The following RAB5A variants were observed in gnomAD, a reference collection of about 807,000 sequenced individuals.
RAB5A encodes ras-related protein Rab-5A.
In RAB5A, 8 loss-of-function variants were observed where a neutral mutation model predicts 25.7. The ratio of observed to expected loss-of-function variants is 0.31; its 90% CI spans 0.18 to 0.56. The LOEUF (loss-of-function observed/expected upper bound fraction) is 0.56. Ranked by LOEUF, RAB5A falls within the 20% of genes least tolerant of loss-of-function variation. The pLI, the probability that RAB5A is intolerant of heterozygous loss-of-function variation, is 0.91. For synonymous variants in RAB5A, 98 were observed against 89.8 expected (o/e 1.09, Z -0.52); for missense variants, 192 against 259.7 (o/e 0.74, Z 1.79).
At chr3:19,976,584 C>T (rs576417691) in intron 4 of RAB5A, among the ~76,000 whole-genome samples, 1 of 152,280 alleles carries the variant, frequency 6.6e-6, no homozygotes, top group South Asian at 2.1e-4. Context: ...ACTTGGGAGG[C>T]TGAGGCAGGA....
At chr3:19,949,692 A>C (rs1373506645) in intron 1 of RAB5A, among the ~76,000 whole-genome samples, 2 of 152,250 alleles carry the variant, frequency 1.3e-5, no homozygotes, top group East Asian at 3.8e-4. Flanking sequence ...GAGATTAAAA[A>C]TTAGCATAGA....
At chr3:19,975,528 C>T in intron 2 of RAB5A, 73 bp from the exon 3 acceptor site, 1 of 1,435,230 alleles carries the variant, frequency 7.0e-7, no homozygotes, top group Non-Finnish European at 9.6e-7. Context: ...TAGATGTATA[C>T]AAGCAGGTGT....
At position 19,978,409 on chromosome 3, in the gene RAB5A, A is replaced by T; in HGVS notation, c.532+6A>T. The T allele has an allele frequency of 6.5e-7, 1 of 1,540,488 alleles. No individual in the cohort carries two copies. Among genetic ancestry groups the T allele is most frequent in the East Asian group, 2.3e-5 (1 of 44,414 alleles). ...TGAAATATTCATGGCAATAGGTAAG[A>T]TTAATATCTCTTTTTAAATGATCAA... is the stretch of plus-strand genomic sequence containing the variant. On this transcript the variant is annotated splice_donor_region_variant and intron_variant, in intron 5 of 5. Transcript: ENST00000273047.
At chr3:19,960,896 G>T (rs540210179) in intron 2 of RAB5A, among the ~76,000 whole-genome samples, 1 of 152,184 alleles carries the variant, frequency 6.6e-6, no homozygotes, top group African/African-American at 2.4e-5. Context: ...CAAAGAAGAA[G>T]TGGGTAATCT....
chr3:19,975,543 T>C (rs1696813162), intron 2 of RAB5A, 58 bp from the exon 3 acceptor site: 6 of 1,530,148 alleles, frequency 3.9e-6, no homozygotes, highest in Admixed American at 3.6e-5. Context: ...AGGTGTTTTC[T>C]ATATTATGAA....
At chr3:19,981,218 T>A (rs1337445010) in intron 5 of RAB5A, among the ~76,000 whole-genome samples, 7 of 152,232 alleles carry the variant, frequency 4.6e-5, no homozygotes. Context: ...TGGTTTGACT[T>A]ACGATTTTAT....
At chr3:19,956,567 AAAAC>A (rs1218499052) in intron 2 of RAB5A, among the ~76,000 whole-genome samples, 4 of 152,228 alleles carry the variant, frequency 2.6e-5, no homozygotes, top group Admixed American at 6.5e-5. Context: ...TTTTTAGTCT[AAAAC>A]AACCTGTAAC....
At chr3:19,969,795 G>T (rs1020416936) in intron 2 of RAB5A, among the ~76,000 whole-genome samples, 1 of 151,958 alleles carries the variant, frequency 6.6e-6, no homozygotes. Context: ...TTATGGGGTG[G>T]CGGTTACTTT....
At chr3:19,964,551 C>T (rs1696634261) in intron 2 of RAB5A, among the ~76,000 whole-genome samples, 1 of 152,202 alleles carries the variant, frequency 6.6e-6, no homozygotes, top group African/African-American at 2.4e-5. Context: ...CCCATACTGA[C>T]TTTATCAGTT....
chr3:19,979,211 G>A (rs924458066), intron 5 of RAB5A, among the ~76,000 whole-genome samples: 2 of 151,792 alleles, frequency 1.3e-5, no homozygotes, highest in East Asian at 1.9e-4. Flanking sequence ...TCCTGATCTC[G>A]TGATCTGCCC....
Position 19,984,125 on chromosome 3 carries a change from A to G in RAB5A, c.*302A>G. 2.4e-6 allele frequency: 1 copy of G among 410,824 alleles called. No individual in the cohort carries two copies. The highest frequency in any genetic ancestry group is 1.9e-5 in the South Asian group (1 of 53,068). The allele number at this position is 410,824 out of a possible 1,614,324, so 25.4% of individuals were successfully genotyped here. A position where few individuals can be genotyped will look rare whatever the true frequency, so the allele number is the denominator to read the frequency against. On this transcript the variant is annotated 3_prime_UTR_variant, in exon 6 of 6. Transcript: ENST00000273047. ...TATAGACAAATGACTGTCTGGGCCCACACAGTTAACCAGCCCATTTCTCCA... is the reference window on the plus strand; with the variant it reads ...TATAGACAAATGACTGTCTGGGCCCGCACAGTTAACCAGCCCATTTCTCCA...
chr3:19,970,488 A>AG, intron 2 of RAB5A: 1 of 452,644 alleles, frequency 2.2e-6, no homozygotes. Context: ...CCTATCAGAC[A>AG]GGCCAGCACC....
At chr3:19,978,630 T>C in intron 5 of RAB5A, 1 of 395,756 alleles carries the variant, frequency 2.5e-6, no homozygotes, top group Non-Finnish European at 4.5e-6. Context: ...ACCTATTAGG[T>C]TGTAATACTG....
At chr3:19,972,307 C>G (rs897389668) in intron 2 of RAB5A, among the ~76,000 whole-genome samples, 1 of 152,130 alleles carries the variant, frequency 6.6e-6, no homozygotes, top group African/African-American at 2.4e-5. Context: ...TTCCTGGTTC[C>G]AAGCATTTCA....
At chr3:19,983,602 T>TA in intron 5 of RAB5A, 106 bp from the exon 6 acceptor site, 2 of 747,532 alleles carry the variant, frequency 2.7e-6, no homozygotes, top group Non-Finnish European at 4.7e-6. Flanking sequence ...GGTTATATGA[T>TA]ACTTTGGGGG....
At chr3:19,951,281 C>A in intron 2 of RAB5A, 1 of 434,292 alleles carries the variant, frequency 2.3e-6, no homozygotes, top group South Asian at 4.7e-5. Flanking sequence ...TATATTGTAG[C>A]TAAAATACAG....
chr3:19,980,555 C>T (rs147603051), intron 5 of RAB5A, among the ~76,000 whole-genome samples: 306 of 151,818 alleles, frequency 2.0e-3, no homozygotes, highest in African/African-American at 7.0e-3. Flanking sequence ...TAAAAAGTTA[C>T]TCGTTCTAGT....
chr3:19,978,024 A>G (rs578233504), intron 4 of RAB5A, among the ~76,000 whole-genome samples: 1 of 152,204 alleles, frequency 6.6e-6, no homozygotes, highest in South Asian at 2.1e-4. Flanking sequence ...ATTCTCCCCC[A>G]TCTCTGGAAC....
At chr3:19,971,031 T>C (rs1259689266) in intron 2 of RAB5A, among the ~76,000 whole-genome samples, 1 of 151,964 alleles carries the variant, frequency 6.6e-6, no homozygotes, top group Admixed American at 6.6e-5. Context: ...ACCCCATCTC[T>C]ACTAAAAATA....
Sources: allele counts gnomAD v4.1 joint callset (sites outside exome capture counted in the v4.1 genomes callset), GRCh38; gene constraint gnomAD v4.1.1; transcripts MANE v1.5; gene names NCBI Gene and HGNC (gene_info 2026-07-23, HGNC 2026-07-21).